Variants in HDAC4 observed in about 807,000 individuals in gnomAD.
The protein encoded by HDAC4 is histone deacetylase 4, also known as histone deacetylase A.
In HDAC4, 16 loss-of-function variants were observed where a neutral mutation model predicts 135.1. The observed-to-expected ratio is 0.12, with a 90% CI of 0.08 to 0.18. The LOEUF (loss-of-function observed/expected upper bound fraction) is 0.18, where lower values mean the gene tolerates loss of function less well. Among genes scored for constraint, HDAC4 ranks in the 10% least tolerant of loss-of-function variants. The probability of loss-of-function intolerance (pLI) is 1.00; values close to 1 mark genes in which losing one functional copy is unlikely to be tolerated. For missense variants in HDAC4, 1,143 were observed against 1,511.8 expected (o/e 0.76, Z 4.05); for synonymous variants, 685 against 653.4 (o/e 1.05, Z -0.74).
rs1339256140 is a variant in HDAC4, at chr2:239,313,332, G to A, written c.22+39346C>T. On this transcript the variant is annotated intron_variant, in intron 2 of 26. Coordinates refer to ENST00000543185, the MANE Select transcript of HDAC4 (RefSeq NM_001378414.1). The surrounding 1 kb of genome is among the most constrained non-coding windows in gnomAD (Gnocchi z 5.1). ...CTGCAGCAGCCAGGGACTAATTTTA[G>A]AAGGGGCTTTGAGGAGAAACCCAAG... Among the ~76,000 whole-genome samples, 1 of 152,202 alleles carries A rather than the reference G, an allele frequency of 6.6e-6. No homozygotes were observed. The highest frequency in any genetic ancestry group is 1.5e-5 in the Non-Finnish European group (1 of 68,040).
chr2:239,246,229 T>C (rs1420037591), intron 2 of HDAC4, among the ~76,000 whole-genome samples: 1 of 151,442 alleles, frequency 6.6e-6, no homozygotes, highest in African/African-American at 2.4e-5. Context: ...CGGGCAGGAG[T>C]GAGCCACGGG....
At chr2:239,281,331 TGCAAA>T (rs2125370011) in intron 2 of HDAC4, among the ~76,000 whole-genome samples, 1 of 101,568 alleles carries the variant, frequency 9.8e-6, no homozygotes, top group East Asian at 2.2e-4. Context: ...CACACCACTC[TGCAAA>T]CAATGTACAC....
chr2:239,373,201 C>T (rs1319337646), intron 1 of HDAC4, among the ~76,000 whole-genome samples: 1 of 152,158 alleles, frequency 6.6e-6, no homozygotes, highest in African/African-American at 2.4e-5. Flanking sequence ...CCGCGCGTAC[C>T]TCCTCCAGCC....
chr2:239,385,683 C>T (rs1014741673), intron 1 of HDAC4, among the ~76,000 whole-genome samples: 2 of 152,216 alleles, frequency 1.3e-5, no homozygotes, highest in Admixed American at 1.3e-4. Flanking sequence ...CCAGGAGCCC[C>T]AGAAGGACCA....
At chr2:239,260,693 A>C (rs1441619600) in intron 2 of HDAC4, among the ~76,000 whole-genome samples, 2 of 151,930 alleles carry the variant, frequency 1.3e-5, no homozygotes, top group East Asian at 3.9e-4. Flanking sequence ...GCAAGGTTGG[A>C]TGTGAGGGGA....
chr2:239,058,756 ATATGTGTGTCCC>A (rs1325669204), intron 24 of HDAC4, among the ~76,000 whole-genome samples: 1 of 152,262 alleles, frequency 6.6e-6, no homozygotes, highest in Non-Finnish European at 1.5e-5. Context: ...GAAGACAAGA[ATATGTGTGTCCC>A]ACCATCGTGG....
chr2:239,249,449 AGTGGG>A (rs568795492), intron 2 of HDAC4, among the ~76,000 whole-genome samples: 23 of 152,300 alleles, frequency 1.5e-4, no homozygotes, highest in Non-Finnish European at 2.4e-4. Flanking sequence ...GAGAGACTTG[AGTGGG>A]GAGAAGCAAG....
intron 3 of HDAC4, among the ~76,000 whole-genome samples, chr2:239,221,665 A>G (rs1382534379): frequency 2.6e-5 from 4 of 151,682 alleles, no homozygotes; most frequent in Non-Finnish European, 5.9e-5. Context: ...CTTCAACTGA[A>G]GAACAGCTAC....
At chr2:239,091,938 G>A (rs2036554232) in intron 17 of HDAC4, 1 of 152,020 alleles carries the variant, frequency 6.6e-6, no homozygotes, top group Admixed American at 6.5e-5. Flanking sequence ...AGGTGCCGTG[G>A]TGGGCGCCTG....
chr2:239,164,512 C>T (rs539080374), intron 5 of HDAC4, among the ~76,000 whole-genome samples: 80 of 152,304 alleles, frequency 5.3e-4, no homozygotes, highest in African/African-American at 1.7e-3. Context: ...TCTTCCGTGG[C>T]GGTGATTCTT....
At chr2:239,367,959 C>A (rs909867017) in intron 1 of HDAC4, among the ~76,000 whole-genome samples, 1 of 152,126 alleles carries the variant, frequency 6.6e-6, no homozygotes, top group Non-Finnish European at 1.5e-5. Context: ...GCCTGGGCGA[C>A]AGAGTAAGAC....
At chr2:239,129,440 T>C (rs1575130174) in intron 11 of HDAC4, among the ~76,000 whole-genome samples, 1 of 152,206 alleles carries the variant, frequency 6.6e-6, no homozygotes, top group South Asian at 2.1e-4. Flanking sequence ...GGCTGTGTGG[T>C]GCTGGGCGGG....
rs552256740 is a variant in HDAC4 at position 239,331,052 on chromosome 2, G to C, written c.22+21626C>G. 6.8e-6 allele frequency among the ~76,000 whole-genome samples: 1 copy of C among 146,576 alleles called. No homozygotes were observed. The highest frequency in any genetic ancestry group is 2.1e-4 in the South Asian group (1 of 4,822). Reference sequence around the variant, plus strand: ...CTTGGCTGCCCGAAATTCGGAGTGGGGAGGAAGGCAGATATGCCTGAATAC... The same window carrying C: ...CTTGGCTGCCCGAAATTCGGAGTGGCGAGGAAGGCAGATATGCCTGAATAC... On this transcript the variant is annotated intron_variant, in intron 2 of 26. Coordinates refer to ENST00000543185, the MANE Select transcript of HDAC4 (RefSeq NM_001378414.1). This position sits in a 1 kb window ranked among gnomAD's most constrained non-coding sequence, Gnocchi z 4.5.
chr2:239,137,342 A>G (rs1292100517), intron 9 of HDAC4, among the ~76,000 whole-genome samples: 2 of 152,222 alleles, frequency 1.3e-5, no homozygotes, highest in African/African-American at 4.8e-5. Flanking sequence ...AAATAACAGC[A>G]GCAGCGGCCA....
chr2:239,131,343 C>G (rs2040569639), intron 11 of HDAC4, among the ~76,000 whole-genome samples: 1 of 150,266 alleles, frequency 6.7e-6, no homozygotes, highest in Non-Finnish European at 1.5e-5. Context: ...ACCTATGCAC[C>G]ACGATTACCA....
intron 20 of HDAC4, among the ~76,000 whole-genome samples, 188 bp from the exon 21 acceptor site, chr2:239,082,409 G>A (rs1000723288): frequency 2.0e-5 from 3 of 152,222 alleles, no homozygotes; most frequent in African/African-American, 7.2e-5. Context: ...GCTACGTGGT[G>A]CAGGGTCGCA....
rs148697016 is a variant in HDAC4, at chr2:239,195,768, T to C, written c.95-5691A>G. Among the ~76,000 whole-genome samples the C allele has an allele frequency of 4.1e-3, 630 of 152,290 alleles. 5 individuals are homozygous for C. The highest frequency in any genetic ancestry group is 0.015 in the African/African-American group (614 of 41,572). On this transcript the variant is annotated intron_variant, in intron 3 of 26. Coordinates refer to ENST00000543185, the MANE Select transcript of HDAC4 (RefSeq NM_001378414.1). The stretch of plus-strand genomic sequence containing the variant: ...TTTATAGGTTGTGCCTTGAGAAACA[T>C]ATTAAGACAATCAGACTCCTGACGT...
intron 1 of HDAC4, among the ~76,000 whole-genome samples, chr2:239,379,157 G>A (rs1695237151): frequency 6.6e-6 from 1 of 152,210 alleles, no homozygotes; most frequent in African/African-American, 2.4e-5. Flanking sequence ...GGAGCTGGGG[G>A]TGGAGGCCGC....
intron 3 of HDAC4, among the ~76,000 whole-genome samples, chr2:239,215,491 G>A (rs1011003336): frequency 2.0e-5 from 3 of 152,162 alleles, no homozygotes; most frequent in Admixed American, 6.5e-5. Flanking sequence ...ACCAAAGACC[G>A]TCGCCAACCT....
Sources: gnomAD v4.1 joint callset for allele counts (sites outside exome capture counted in the v4.1 genomes callset) on GRCh38, gnomAD v4.1.1 for gene constraint, Gnocchi (gnomAD v3.1) non-coding constraint, MANE v1.5 for transcripts, NCBI Gene and HGNC (gene_info 2026-07-23, HGNC 2026-07-21) for gene names.